The following CPEB1 variants were observed in gnomAD, a reference collection of about 807,000 sequenced individuals.
The protein encoded by CPEB1 is cytoplasmic polyadenylation element binding protein 1, also known as cytoplasmic polyadenylation element-binding protein 1.
CPEB1 carries 7 observed loss-of-function variants against 65.8 expected under a neutral mutation model. The observed-to-expected ratio is 0.11, with a 90% CI of 0.06 to 0.20. CPEB1 has a LOEUF of 0.20. Ranked by LOEUF, CPEB1 falls within the 10% of genes least tolerant of loss-of-function variation. CPEB1 has a pLI of 1.00. For synonymous variants in CPEB1, 262 were observed against 260.0 expected, an observed-to-expected ratio of 1.01 and a Z score of -0.08; for missense variants, 551 against 712.2, an observed-to-expected ratio of 0.77 and a Z score of 2.58.
At chr15:82,552,969 T>G (rs2036543982) in intron 8 of CPEB1, among the ~76,000 whole-genome samples, 1 of 152,162 alleles carries the variant, frequency 6.6e-6, no homozygotes, top group South Asian at 2.1e-4. Context: ...CTTAAACCAT[T>G]AGTTCAGTTC....
At chr15:82,610,175 T>C (rs1415184760) in intron 3 of CPEB1, among the ~76,000 whole-genome samples, 2 of 151,504 alleles carry the variant, frequency 1.3e-5, no homozygotes, top group African/African-American at 2.4e-5. Flanking sequence ...AAACAGACAA[T>C]CTGCATACGC....
chr15:82,568,280 G>A (rs1003963478), intron 4 of CPEB1, among the ~76,000 whole-genome samples: 11 of 152,130 alleles, frequency 7.2e-5, no homozygotes, highest in Admixed American at 4.6e-4. Context: ...GTCACTCCAT[G>A]CCCCATTCCA....
At chr15:82,647,382 AGCCCCGCCCC>A (rs2047662893), upstream of CPEB1, 1 of 155,054 alleles carries the variant, frequency 6.4e-6, no homozygotes, top group African/African-American at 2.4e-5. Context: ...CGCCGTCAGC[AGCCCCGCCCC>A]GTCCCGCCCG....
rs561601326 is a variant in CPEB1 at position 82,610,562 on chromosome 15, T to TA, written c.271+16630dup. On this transcript the variant is annotated intron_variant, in intron 3 of 12. Transcript: ENST00000684509. Reference sequence around the variant, plus strand: ...AAATATAATATTAATAGAACAAAAGTAAAAAAAAATCACATGATCATCTCA... The same window carrying TA: ...AAATATAATATTAATAGAACAAAAGTAAAAAAAAAATCACATGATCATCTCA... 2.9e-3 allele frequency among the ~76,000 whole-genome samples: 441 copies of TA among 150,118 alleles called. 2 individuals are homozygous for TA. The highest frequency in any genetic ancestry group is 0.016 in the Admixed American group (240 of 15,116).
At chr15:82,563,559 C>T (rs1466660835) in intron 4 of CPEB1, among the ~76,000 whole-genome samples, 2 of 144,468 alleles carry the variant, frequency 1.4e-5, no homozygotes, top group East Asian at 2.0e-4. Context: ...CCAGGCTGGT[C>T]TTGAACTCCT....
chr15:82,632,330 A>T (rs1222825637), intron 1 of CPEB1, among the ~76,000 whole-genome samples: 1 of 152,074 alleles, frequency 6.6e-6, no homozygotes, highest in Admixed American at 6.5e-5. Flanking sequence ...CCTGAAGTTA[A>T]TTTTATACAA....
intron 3 of CPEB1, among the ~76,000 whole-genome samples, chr15:82,590,285 G>GA (rs916603355): frequency 2.3e-5 from 3 of 129,552 alleles, no homozygotes; most frequent in African/African-American, 8.6e-5. Flanking sequence ...TGTAATTCAA[G>GA]AAAGTTAACC....
chr15:82,604,265 C>A (rs879786942), intron 3 of CPEB1, among the ~76,000 whole-genome samples: 1 of 152,112 alleles, frequency 6.6e-6, no homozygotes, highest in Non-Finnish European at 1.5e-5. Context: ...AGGCGGATCA[C>A]AAGGTCAGGA....
At chr15:82,646,751 G>A (rs1262993229) in intron 1 of CPEB1, among the ~76,000 whole-genome samples, 1 of 152,160 alleles carries the variant, frequency 6.6e-6, no homozygotes, top group African/African-American at 2.4e-5. Flanking sequence ...CGGTCGACTC[G>A]ACCGCTGAGG....
intron 3 of CPEB1, among the ~76,000 whole-genome samples, chr15:82,592,714 G>A (rs536432309): frequency 7.2e-5 from 11 of 152,190 alleles, no homozygotes; most frequent in East Asian, 5.8e-4. Flanking sequence ...GGCCGGGCGC[G>A]GTGGTTCACG....
intron 3 of CPEB1, among the ~76,000 whole-genome samples, chr15:82,604,244 G>A (rs997983667): frequency 2.4e-4 from 37 of 152,304 alleles, no homozygotes; most frequent in African/African-American, 5.3e-4. Flanking sequence ...AGCACTTTGG[G>A]AGGCCGAGGC....
At chr15:82,629,247 G>C (rs1042443630) in intron 1 of CPEB1, 1 of 984,750 alleles carries the variant, frequency 1.0e-6, no homozygotes. Flanking sequence ...CATATGTAAA[G>C]CATTTTGCAT....
chr15:82,592,175 T>C (rs1487964743), intron 3 of CPEB1, among the ~76,000 whole-genome samples: 6 of 152,122 alleles, frequency 3.9e-5, no homozygotes, highest in African/African-American at 1.4e-4. Flanking sequence ...CAAATAACAT[T>C]TTATTGAATG....
intron 3 of CPEB1, among the ~76,000 whole-genome samples, chr15:82,580,047 C>A (rs147172284): frequency 6.7e-6 from 1 of 149,144 alleles, no homozygotes; most frequent in Non-Finnish European, 1.5e-5. Flanking sequence ...ATGGGCCAGG[C>A]GCGGTGGCTC....
In CPEB1 at chr15:82,618,286, C is replaced by T. The variant is rs561343644; in HGVS notation, c.271+8907G>A. Among the ~76,000 whole-genome samples, 10 of 152,206 alleles carry T rather than the reference C, an allele frequency of 6.6e-5. No individual in the cohort carries two copies. The East Asian group carries it at 1.7e-3, about 26-fold the overall frequency. On this transcript the variant is annotated intron_variant, in intron 3 of 12. Transcript: ENST00000684509. ...TCTCAATTTTAGACATTCTAAGAGG[C>T]AAAAACACTTTTTGTGTATATTTTG... is the stretch of plus-strand genomic sequence containing the variant.
At chr15:82,628,687 T>C (rs2045979698) in intron 1 of CPEB1, 131 bp from the exon 2 acceptor site, 3 of 504,312 alleles carry the variant, frequency 5.9e-6, no homozygotes, top group Non-Finnish European at 7.0e-6. Flanking sequence ...TTACATCCGC[T>C]CCACATCCTT....
chr15:82,582,164 T>C (rs1039812683), intron 3 of CPEB1, among the ~76,000 whole-genome samples: 5 of 152,242 alleles, frequency 3.3e-5, no homozygotes, highest in Non-Finnish European at 5.9e-5. Context: ...TCAGTATCCC[T>C]AGCTTTCCAG....
chr15:82,584,774 A>G (rs769393765), intron 3 of CPEB1, among the ~76,000 whole-genome samples: 1 of 151,912 alleles, frequency 6.6e-6, no homozygotes, highest in Non-Finnish European at 1.5e-5. Context: ...ACAAAGATAA[A>G]AGAGGCAAAT....
chr15:82,630,192 C>T, intron 1 of CPEB1: 1 of 736,652 alleles, frequency 1.4e-6, no homozygotes. Context: ...CCACCTTGGC[C>T]TCCTGAGTAG....
Sources: gnomAD v4.1 joint callset for allele counts (sites outside exome capture counted in the v4.1 genomes callset) on GRCh38, gnomAD v4.1.1 for gene constraint, MANE v1.5 for transcripts, NCBI Gene and HGNC (gene_info 2026-07-23, HGNC 2026-07-21) for gene names.